The following SYNE1 variants were observed in gnomAD, a reference collection of about 807,000 sequenced individuals.
The protein encoded by SYNE1 is spectrin repeat containing nuclear envelope protein 1.
In SYNE1, 616 loss-of-function variants were observed where a neutral mutation model predicts 1,111.0. That is an observed-to-expected ratio of 0.55 (90% CI 0.52 to 0.59). The LOEUF (loss-of-function observed/expected upper bound fraction) is 0.59, where lower values mean the gene tolerates loss of function less well. Among genes scored for constraint, SYNE1 ranks in the 20% least tolerant of loss-of-function variants. SYNE1 has a pLI of 0.00. For missense variants in SYNE1, 10,006 were observed against 10,417.0 expected, an observed-to-expected ratio of 0.96 and a Z score of 1.72; for synonymous variants, 3,855 against 3,825.8, an observed-to-expected ratio of 1.01 and a Z score of -0.28.
At position 152,281,849 on chromosome 6, in the gene SYNE1, G is replaced by A. The variant is rs768417498; in HGVS notation, c.18339C>T (p.Pro6113=). 3.1e-6 allele frequency: 5 copies of A among 1,614,106 alleles called. No individual in the cohort carries two copies. Among genetic ancestry groups the A allele is most frequent in the Non-Finnish European group, 2.5e-6 (3 of 1,180,012 alleles). ...KATLDTALSP[P]KEPMDMEAQL... is the part of the protein sequence containing the mutation. ...GGGCCTCCATGTCCATGGGCTCCTTGGGTGGACTCAGCGCAGTGTCCAGAG... is the reference window on the plus strand; with the variant it reads ...GGGCCTCCATGTCCATGGGCTCCTTAGGTGGACTCAGCGCAGTGTCCAGAG... The change falls in exon 97 of 146, where the codon CCC becomes CCT. Residue 6113 remains proline (P), a synonymous_variant. Transcript: ENST00000367255.
Position 152,628,348 on chromosome 6 carries a change from C to T in SYNE1, c.-17G>A, listed in dbSNP as rs1295599427. The T allele has an allele frequency of 8.1e-6, 13 of 1,614,040 alleles. No homozygotes were observed. The highest frequency in any genetic ancestry group is 2.2e-5 in the East Asian group (1 of 44,886). ...GGTTGCCATGGTCCCTCCGGAAGCACGAAGCCAACACCAAGAGACTCTTCA... is the reference window on the plus strand; with the variant it reads ...GGTTGCCATGGTCCCTCCGGAAGCATGAAGCCAACACCAAGAGACTCTTCA... On this transcript the variant is annotated 5_prime_UTR_variant, in exon 3 of 146. The change creates a new upstream start codon in the 5' untranslated region. Transcript: ENST00000367255.
intron 16 of SYNE1, among the ~76,000 whole-genome samples, chr6:152,467,770 G>T (rs1192580066): frequency 2.0e-5 from 3 of 152,080 alleles, no homozygotes; most frequent in African/African-American, 7.2e-5. Flanking sequence ...AGGAAGACTG[G>T]ATGATTAATT....
intron 2 of SYNE1, 150 bp from the exon 3 acceptor site, chr6:152,628,704 G>A (rs912114310): frequency 5.1e-6 from 1 of 196,690 alleles, no homozygotes; most frequent in African/African-American, 2.3e-5. Flanking sequence ...AAACTACAAA[G>A]TACTATGCAA....
chr6:152,424,195 C>A (rs910241465), intron 39 of SYNE1, among the ~76,000 whole-genome samples: 1 of 152,118 alleles, frequency 6.6e-6, no homozygotes, highest in African/African-American at 2.4e-5. Flanking sequence ...AGATCAGAAT[C>A]CAAACATATT....
In SYNE1 at chr6:152,236,323, G is replaced by A; in HGVS notation, c.20200-20C>T. On this transcript the variant is annotated intron_variant, in intron 109 of 145. Transcript: ENST00000367255. ...TAAATGCTAAAATATTGAAATTATT[G>A]AGTTAAAAGTTTGGATATGCAATTT... The A allele has an allele frequency of 1.3e-6, 2 of 1,587,474 alleles. No individual in the cohort carries two copies. Among genetic ancestry groups the A allele is most frequent in the Non-Finnish European group, 1.7e-6 (2 of 1,157,872 alleles).
intron 86 of SYNE1, 143 bp downstream of exon 86, chr6:152,317,938 T>C: frequency 9.5e-7 from 1 of 1,056,890 alleles, no homozygotes; most frequent in Non-Finnish European, 1.4e-6. Context: ...ATCACAAGTG[T>C]AGCATGAAAT....
intron 52 of SYNE1, among the ~76,000 whole-genome samples, chr6:152,390,959 C>A (rs528577407): frequency 2.3e-4 from 35 of 152,280 alleles, no homozygotes; most frequent in African/African-American, 8.2e-4. Context: ...CTGTGAACTC[C>A]TAGAAAATGG....
At chr6:152,473,393 C>T (rs774331877) in intron 14 of SYNE1, among the ~76,000 whole-genome samples, 1 of 152,142 alleles carries the variant, frequency 6.6e-6, no homozygotes, top group Non-Finnish European at 1.5e-5. Context: ...AATCAAGAGA[C>T]ACACTTGGTG....
chr6:152,367,423 A>G (rs1241873252), intron 61 of SYNE1, 41 bp from the exon 62 acceptor site: 10 of 1,610,036 alleles, frequency 6.2e-6, no homozygotes, highest in Non-Finnish European at 8.5e-6. Context: ...TCCATCCCAC[A>G]GAGACAAACT....
chr6:152,526,067 A>C lies in SYNE1; in HGVS notation c.225+13T>G. Reference sequence around the variant, plus strand: ...ACAATTTGACAAGTATGATCACACAAAAAAATTCTTACCAGTTTCTGCCCA... The same window carrying C: ...ACAATTTGACAAGTATGATCACACACAAAAATTCTTACCAGTTTCTGCCCA... On this transcript the variant is annotated intron_variant, in intron 5 of 145. Transcript: ENST00000367255. 2 of 1,612,864 alleles carry C rather than the reference A, an allele frequency of 1.2e-6. No individual in the cohort carries two copies. The highest frequency in any genetic ancestry group is 1.1e-5 in the South Asian group (1 of 91,050).
chr6:152,389,879 T>C (rs1215865601), intron 53 of SYNE1, among the ~76,000 whole-genome samples: 2 of 152,186 alleles, frequency 1.3e-5, no homozygotes, highest in African/African-American at 4.8e-5. Flanking sequence ...TGACTTCTAG[T>C]TGAGGAATAG....
Position 152,510,155 on chromosome 6 carries a change from T to C in SYNE1, c.581+38A>G, listed in dbSNP as rs757452234. The C allele has an allele frequency of 9.4e-6, 15 of 1,602,620 alleles. No homozygotes were observed. The Middle Eastern group carries it at 5.0e-4, about 53-fold the overall frequency. ...CAATTAGTAACATTCATAACTCAAT[T>C]TAACGGTTTCAAATTTAGACAAACT... On this transcript the variant is annotated intron_variant, in intron 8 of 145. Coordinates refer to ENST00000367255, the MANE Select transcript of SYNE1 (RefSeq NM_182961.4).
At chr6:152,395,477 G>T (rs1363834605) in intron 51 of SYNE1, 39 bp downstream of exon 51, 1 of 1,594,970 alleles carries the variant, frequency 6.3e-7, no homozygotes, top group Non-Finnish European at 8.5e-7. Context: ...TCTAAAACAT[G>T]GTAAGAGGTA....
At position 152,336,880 on chromosome 6, in the gene SYNE1, C is replaced by T. The variant is rs200926166; in HGVS notation, c.12489G>A (p.Leu4163=). Reference sequence around the variant, plus strand: ...CCATGTTCTGTGCAATGTTCAGCTCCAGCTCAGAGTGCCTCCTCTTCATGT... The same window carrying T: ...CCATGTTCTGTGCAATGTTCAGCTCTAGCTCAGAGTGCCTCCTCTTCATGT... ...LQNMKRRHSE[L]ELNIAQNMVS... is the part of the protein sequence containing the mutation. The change falls in exon 76 of 146, where the codon CTG becomes CTA. Residue 4163 remains leucine, a synonymous_variant. Transcript: ENST00000367255. 4 of 1,613,946 alleles carry T rather than the reference C, an allele frequency of 2.5e-6. No individual in the cohort carries two copies. The African/African-American group carries it at 5.3e-5, about 22-fold the overall frequency.
At chr6:152,495,799 C>A (rs2098996304) in intron 11 of SYNE1, among the ~76,000 whole-genome samples, 1 of 152,240 alleles carries the variant, frequency 6.6e-6, no homozygotes, top group South Asian at 2.1e-4. Flanking sequence ...GGGCCACGTG[C>A]ATCAGGGATA....
chr6:152,481,513 T>G, intron 14 of SYNE1: 1 of 450,378 alleles, frequency 2.2e-6, no homozygotes, highest in Non-Finnish European at 4.5e-6. Context: ...TGTAATATAC[T>G]CATGTAAGAA....
intron 91 of SYNE1, among the ~76,000 whole-genome samples, chr6:152,306,903 C>CAAAAAA (rs973985274): frequency 5.0e-5 from 3 of 60,544 alleles, no homozygotes; most frequent in Non-Finnish European, 1.0e-4. Context: ...GACTGTGTCT[C>CAAAAAA]AAAAAAAAAA....
intron 3 of SYNE1, among the ~76,000 whole-genome samples, chr6:152,581,804 G>T (rs2099520607): frequency 6.6e-6 from 1 of 152,222 alleles, no homozygotes; most frequent in Middle Eastern, 3.4e-3. Flanking sequence ...TCCAGGGTTT[G>T]AATTTTTGTA....
At chr6:152,319,558 A>C (rs1269287360) in intron 84 of SYNE1, among the ~76,000 whole-genome samples, 1 of 152,254 alleles carries the variant, frequency 6.6e-6, no homozygotes, top group Non-Finnish European at 1.5e-5. Flanking sequence ...GAAAAAAGAC[A>C]GTTCGCATTT....
Sources: gnomAD v4.1 joint callset for allele counts (sites outside exome capture counted in the v4.1 genomes callset) on GRCh38, gnomAD v4.1.1 for gene constraint, MANE v1.5 for transcripts, NCBI Gene and HGNC (gene_info 2026-07-23, HGNC 2026-07-21) for gene names.